The following CNTNAP5 variants were observed in gnomAD, a reference collection of about 807,000 sequenced individuals.
CNTNAP5 encodes contactin-associated protein-like 5.
CNTNAP5 carries 72 observed loss-of-function variants against 150.2 expected under a neutral mutation model. The ratio of observed to expected loss-of-function variants is 0.48; its 90% CI spans 0.40 to 0.58. CNTNAP5 has a LOEUF of 0.58. Among genes scored for constraint, CNTNAP5 ranks in the 20% least tolerant of loss-of-function variants. The pLI, the probability that CNTNAP5 is intolerant of heterozygous loss-of-function variation, is 0.00. For missense variants in CNTNAP5, 1,636 were observed against 1,626.2 expected, an observed-to-expected ratio of 1.01 and a Z score of -0.10; for synonymous variants, 672 against 619.8, an observed-to-expected ratio of 1.08 and a Z score of -1.25.
At chr2:124,424,825 A>G (rs1185213197) in intron 4 of CNTNAP5, among the ~76,000 whole-genome samples, 1 of 152,186 alleles carries the variant, frequency 6.6e-6, no homozygotes, top group Non-Finnish European at 1.5e-5. Context: ...AGGTAGATAA[A>G]CAAATGCTCA....
intron 1 of CNTNAP5, among the ~76,000 whole-genome samples, chr2:124,199,716 G>A (rs1036605280): frequency 9.9e-5 from 15 of 152,164 alleles, no homozygotes; most frequent in African/African-American, 3.1e-4. Flanking sequence ...CGCCTGGCTG[G>A]TATTCTAAAG....
intron 5 of CNTNAP5, 79 bp downstream of exon 5, chr2:124,434,766 A>C (rs1692486509): frequency 7.8e-7 from 1 of 1,279,562 alleles, no homozygotes; most frequent in African/African-American, 1.5e-5. Context: ...TGACACTTGC[A>C]GTGTATCTGG....
chr2:124,060,492 T>C (rs941901999), intron 1 of CNTNAP5, among the ~76,000 whole-genome samples: 2 of 152,166 alleles, frequency 1.3e-5, no homozygotes, highest in Admixed American at 6.5e-5. Flanking sequence ...CCAGCAGAAT[T>C]TGCAAACTCA....
chr2:124,418,266 A>T (rs989499780), intron 4 of CNTNAP5, among the ~76,000 whole-genome samples: 1 of 152,162 alleles, frequency 6.6e-6, no homozygotes, highest in Non-Finnish European at 1.5e-5. Context: ...GCAGTGACAT[A>T]TTCTGCTTAT....
intron 1 of CNTNAP5, among the ~76,000 whole-genome samples, chr2:124,103,794 GTTATA>G (rs1253090745): frequency 6.7e-6 from 1 of 148,290 alleles, no homozygotes; most frequent in East Asian, 2.0e-4. Context: ...TGTATATTAA[GTTATA>G]TTATATATAA....
chr2:124,543,706 T>G (rs539130949), intron 10 of CNTNAP5, among the ~76,000 whole-genome samples: 1 of 152,186 alleles, frequency 6.6e-6, no homozygotes, highest in Non-Finnish European at 1.5e-5. Context: ...CAGAAGTGCC[T>G]GGCAGAAACT....
At chr2:124,525,719 AT>A (rs1410665977) in intron 9 of CNTNAP5, among the ~76,000 whole-genome samples, 2 of 152,180 alleles carry the variant, frequency 1.3e-5, no homozygotes, top group Non-Finnish European at 2.9e-5. Context: ...TGGATAACAA[AT>A]TCCTTTAGGG....
At chr2:124,396,929 A>C (rs1029809846) in intron 3 of CNTNAP5, among the ~76,000 whole-genome samples, 33 of 152,220 alleles carry the variant, frequency 2.2e-4, no homozygotes, top group African/African-American at 8.0e-4. Flanking sequence ...CAATCTGTGC[A>C]GAAAAAGGCC....
intron 13 of CNTNAP5, among the ~76,000 whole-genome samples, chr2:124,718,854 G>A (rs1442689293): frequency 1.6e-4 from 24 of 151,912 alleles, no homozygotes. Context: ...CTGAGGCAGG[G>A]GAATCTCTTG....
chr2:124,851,142 G>A (rs1324543668), intron 19 of CNTNAP5, among the ~76,000 whole-genome samples: 2 of 152,022 alleles, frequency 1.3e-5, no homozygotes, highest in African/African-American at 2.4e-5. Flanking sequence ...AGGCAGGTGG[G>A]CCACCTGAGG....
At chr2:124,558,974 G>A (rs1177859264) in intron 10 of CNTNAP5, among the ~76,000 whole-genome samples, 1 of 152,208 alleles carries the variant, frequency 6.6e-6, no homozygotes, top group Non-Finnish European at 1.5e-5. Flanking sequence ...CTGCTCTGAA[G>A]CAGTTTATTT....
At chr2:124,315,605 A>T (rs993767662) in intron 3 of CNTNAP5, among the ~76,000 whole-genome samples, 1 of 152,124 alleles carries the variant, frequency 6.6e-6, no homozygotes, top group South Asian at 2.1e-4. Context: ...TGCTGCTTTT[A>T]AAAAAATACT....
At chr2:124,677,354 G>A (rs1256176136) in intron 13 of CNTNAP5, among the ~76,000 whole-genome samples, 1 of 152,222 alleles carries the variant, frequency 6.6e-6, no homozygotes, top group Admixed American at 6.5e-5. Flanking sequence ...GACCTAAAGA[G>A]TAAGCAGCAG....
At chr2:124,303,876 T>A (rs1232303377) in intron 3 of CNTNAP5, among the ~76,000 whole-genome samples, 1 of 151,948 alleles carries the variant, frequency 6.6e-6, no homozygotes, top group Non-Finnish European at 1.5e-5. Flanking sequence ...TACAAAACAT[T>A]AAAGAATTAG....
intron 13 of CNTNAP5, among the ~76,000 whole-genome samples, chr2:124,699,456 T>C (rs1679474225): frequency 6.6e-6 from 1 of 151,798 alleles, no homozygotes; most frequent in African/African-American, 2.4e-5. Context: ...GTCAGGGAGG[T>C]TCAGGACATT....
At chr2:124,140,113 T>C (rs1340828679) in intron 1 of CNTNAP5, among the ~76,000 whole-genome samples, 2 of 151,402 alleles carry the variant, frequency 1.3e-5, no homozygotes, top group African/African-American at 4.9e-5. Flanking sequence ...CGAGACTATA[T>C]CCCACACCTG....
intron 8 of CNTNAP5, among the ~76,000 whole-genome samples, chr2:124,505,698 T>C (rs986090624): frequency 6.6e-6 from 1 of 152,118 alleles, no homozygotes; most frequent in Non-Finnish European, 1.5e-5. Flanking sequence ...TGGAAGTCTC[T>C]CTCTCATTCT....
chr2:124,058,226 A>G (rs1459031151), intron 1 of CNTNAP5, among the ~76,000 whole-genome samples: 3 of 152,154 alleles, frequency 2.0e-5, no homozygotes, highest in Non-Finnish European at 4.4e-5. Flanking sequence ...GGAACGTGTA[A>G]CAATAGAATA....
At chr2:124,557,710 A>G (rs940619905) in intron 10 of CNTNAP5, among the ~76,000 whole-genome samples, 1 of 152,180 alleles carries the variant, frequency 6.6e-6, no homozygotes, top group East Asian at 1.9e-4. Flanking sequence ...TGGCAGGAAA[A>G]GAGATTCCAG....
Sources: gnomAD v4.1 joint callset for allele counts (sites outside exome capture counted in the v4.1 genomes callset) on GRCh38, gnomAD v4.1.1 for gene constraint, MANE v1.5 for transcripts, NCBI Gene and HGNC (gene_info 2026-07-23, HGNC 2026-07-21) for gene names.